The following OIP5 variants were observed in gnomAD, a reference collection of about 807,000 sequenced individuals.
OIP5 encodes Opa interacting protein 5.
In OIP5, 24 loss-of-function variants were observed where a neutral mutation model predicts 20.3. That is an observed-to-expected ratio of 1.18 (90% CI 0.86 to 1.66). The LOEUF is 1.66. OIP5 is among the 40% of genes most tolerant of loss of function. The pLI is 0.00. For synonymous variants in OIP5, 143 were observed against 121.3 expected (o/e 1.18, Z -1.17); for missense variants, 339 against 289.5 (o/e 1.17, Z -1.24).
At chr15:41,320,253 T>C (rs1055284369) in intron 2 of OIP5, among the ~76,000 whole-genome samples, 4 of 152,030 alleles carry the variant, frequency 2.6e-5, no homozygotes, top group Non-Finnish European at 5.9e-5. Context: ...ATGAAAAAAA[T>C]GCGCCCTCTC....
At chr15:41,322,866 C>T (rs750074065) in intron 2 of OIP5, among the ~76,000 whole-genome samples, 13 of 151,714 alleles carry the variant, frequency 8.6e-5, no homozygotes, top group Non-Finnish European at 1.5e-4. Flanking sequence ...ACCTGGGAGG[C>T]GGAGGTTGCA....
chr15:41,318,193 A>C (rs2047799869), intron 3 of OIP5, among the ~76,000 whole-genome samples: 1 of 152,144 alleles, frequency 6.6e-6, no homozygotes, highest in Non-Finnish European at 1.5e-5. Context: ...GACAGAGTCT[A>C]GCTCTGTCAC....
At chr15:41,325,003 A>C (rs2140465093) in intron 2 of OIP5, among the ~76,000 whole-genome samples, 1 of 152,336 alleles carries the variant, frequency 6.6e-6, no homozygotes, top group African/African-American at 2.4e-5. Flanking sequence ...GTATTGATTA[A>C]GTTTGCTATC....
chr15:41,321,491 G>T (rs1228731664), intron 2 of OIP5, among the ~76,000 whole-genome samples: 8 of 152,232 alleles, frequency 5.3e-5, no homozygotes, highest in Non-Finnish European at 1.0e-4. Context: ...AAGGGGGAAA[G>T]GTGGGGAAAA....
intron 4 of OIP5, among the ~76,000 whole-genome samples, chr15:41,312,038 G>A (rs1476216345): frequency 4.2e-5 from 6 of 141,798 alleles, no homozygotes; most frequent in African/African-American, 1.5e-4. Flanking sequence ...ATTTTTAGTA[G>A]AGATGGGATT....
At position 41,332,184 on chromosome 15, in the gene OIP5, C is replaced by T. The variant is rs1342924167; in HGVS notation, c.322+56G>A. 4.6e-6 allele frequency: 7 copies of T among 1,506,886 alleles called. No individual in the cohort carries two copies. In the Admixed American group the frequency reaches 1.4e-4, roughly 31 times the overall value. The allele number at this position is 1,506,886 out of a possible 1,614,324, so 93.3% of individuals were successfully genotyped here. A position where few individuals can be genotyped will look rare whatever the true frequency, so the allele number is the denominator to read the frequency against. On this transcript the variant is annotated intron_variant, in intron 1 of 4. Coordinates refer to ENST00000220514, the MANE Select transcript of OIP5 (RefSeq NM_007280.2). The stretch of plus-strand genomic sequence containing the variant: ...GTTCTCCGCCACCCGGTGGAGAAAG[C>T]GGGAACACCCTCTCGGGCTAGCCTC...
At chr15:41,330,744 T>A (rs1223372644) in intron 2 of OIP5, among the ~76,000 whole-genome samples, 1 of 152,176 alleles carries the variant, frequency 6.6e-6, no homozygotes, top group Non-Finnish European at 1.5e-5. Flanking sequence ...CTGTACTAAG[T>A]CTTTGAAATC....
At chr15:41,316,371 T>G (rs1287672038) in intron 3 of OIP5, among the ~76,000 whole-genome samples, 1 of 151,958 alleles carries the variant, frequency 6.6e-6, no homozygotes, top group Non-Finnish European at 1.5e-5. Flanking sequence ...GTGTTGGAAA[T>G]TTGCAATGAA....
At chr15:41,317,529 G>A (rs1403492194) in intron 3 of OIP5, among the ~76,000 whole-genome samples, 2 of 151,816 alleles carry the variant, frequency 1.3e-5, no homozygotes, top group South Asian at 2.1e-4. Flanking sequence ...ACAGGCATGC[G>A]CCACCATGCC....
intron 2 of OIP5, among the ~76,000 whole-genome samples, chr15:41,320,270 C>T (rs1185196949): frequency 6.6e-6 from 1 of 151,898 alleles, no homozygotes; most frequent in East Asian, 1.9e-4. Flanking sequence ...TCTCCCTCTC[C>T]CTCCTCTCCC....
At chr15:41,317,785 C>T (rs2047797182) in intron 3 of OIP5, among the ~76,000 whole-genome samples, 1 of 152,198 alleles carries the variant, frequency 6.6e-6, no homozygotes, top group African/African-American at 2.4e-5. Context: ...CTGTAGCTAT[C>T]CTCCCACCTT....
intron 2 of OIP5, among the ~76,000 whole-genome samples, chr15:41,326,842 T>C (rs1470528147): frequency 6.6e-6 from 1 of 152,198 alleles, no homozygotes. Flanking sequence ...TTGCTGGGCC[T>C]TCCATCATTA....
chr15:41,327,556 G>A (rs1475943160), intron 2 of OIP5, among the ~76,000 whole-genome samples: 5 of 149,764 alleles, frequency 3.3e-5, no homozygotes, highest in African/African-American at 1.3e-4. Flanking sequence ...TTGGGAGGCT[G>A]AGGTGGGAGG....
At chr15:41,320,572 C>G (rs1412239891) in intron 2 of OIP5, among the ~76,000 whole-genome samples, 1 of 152,188 alleles carries the variant, frequency 6.6e-6, no homozygotes, top group Non-Finnish European at 1.5e-5. Context: ...AGTCTCGTCT[C>G]GTTCACTCAG....
At chr15:41,316,241 G>A (rs780645165) in intron 3 of OIP5, among the ~76,000 whole-genome samples, 4 of 152,174 alleles carry the variant, frequency 2.6e-5, no homozygotes, top group African/African-American at 7.2e-5. Context: ...AACCCAGGAG[G>A]TGCAGGTTGC....
chr15:41,331,165 T>C (rs1287712347), intron 2 of OIP5, among the ~76,000 whole-genome samples: 1 of 152,196 alleles, frequency 6.6e-6, no homozygotes, highest in African/African-American at 2.4e-5. Flanking sequence ...GTCTCAATGT[T>C]AAAGCCAAAA....
intron 4 of OIP5, among the ~76,000 whole-genome samples, chr15:41,312,641 T>TC (rs1037029589): frequency 7.3e-5 from 11 of 151,024 alleles, no homozygotes; most frequent in African/African-American, 2.4e-4. Flanking sequence ...TTTTTTTTTT[T>TC]TTTTTTGAGA....
At chr15:41,332,177 G>A (rs552941747) in intron 1 of OIP5, 63 bp downstream of exon 1, 217 of 1,494,064 alleles carry the variant, frequency 1.5e-4, no homozygotes, top group Middle Eastern at 1.2e-3. Context: ...CCACCCGGTG[G>A]AGAAAGCGGG....
At chr15:41,311,671 G>T (rs530720177) in intron 4 of OIP5, among the ~76,000 whole-genome samples, 1 of 152,156 alleles carries the variant, frequency 6.6e-6, no homozygotes, top group East Asian at 1.9e-4. Flanking sequence ...AGGTCCAAGC[G>T]ATTCTCCTGC....
Sources: gnomAD v4.1 joint callset for allele counts (sites outside exome capture counted in the v4.1 genomes callset) on GRCh38, gnomAD v4.1.1 for gene constraint, MANE v1.5 for transcripts, NCBI Gene and HGNC (gene_info 2026-07-23, HGNC 2026-07-21) for gene names.